JAZF1: variants seen among roughly 807,000 people sequenced by gnomAD.
JAZF1 encodes the protein juxtaposed with another zinc finger protein 1.
In JAZF1, 8 loss-of-function variants were observed where a neutral mutation model predicts 26.4. The ratio of observed to expected loss-of-function variants is 0.30; its 90% CI spans 0.18 to 0.55. The LOEUF is 0.55. Among genes scored for constraint, JAZF1 ranks in the 20% least tolerant of loss-of-function variants. JAZF1 has a pLI of 0.94. For synonymous variants in JAZF1, 126 were observed against 122.3 expected (o/e 1.03, Z -0.20); for missense variants, 199 against 322.0 (o/e 0.62, Z 2.92).
intron 1 of JAZF1, among the ~76,000 whole-genome samples, chr7:28,120,456 G>C (rs1178054353): frequency 6.7e-6 from 1 of 148,960 alleles, no homozygotes; most frequent in African/African-American, 2.5e-5. Context: ...TTTGTCCCTA[G>C]GGGTAGAGGA....
chr7:27,835,844 C>G (rs762176963), intron 4 of JAZF1, among the ~76,000 whole-genome samples: 2 of 151,998 alleles, frequency 1.3e-5, no homozygotes, highest in Non-Finnish European at 2.9e-5. Context: ...AAATAATGGC[C>G]GGAAACCTGA....
Position 28,180,600 on chromosome 7 carries a change from T to C in JAZF1, c.-23A>G, listed in dbSNP as rs1386391849. The stretch of plus-strand genomic sequence containing the variant: ...CATGGTGCTACATCGAGAGCCCCCC[T>C]GGTGTCGGCTCTGCGAGCGCCGGGC... On this transcript the variant is annotated 5_prime_UTR_variant, in exon 1 of 5. Coordinates refer to ENST00000283928, the MANE Select transcript of JAZF1 (RefSeq NM_175061.4). The C allele has an allele frequency of 3.5e-6, 5 of 1,411,406 alleles. No individual in the cohort carries two copies. The highest frequency in any genetic ancestry group is 4.7e-6 in the Non-Finnish European group (5 of 1,053,014). 87.4% of individuals were successfully genotyped at this position (1,411,406 alleles called of 1,614,324 possible).
chr7:28,080,760 G>A (rs1208298644), intron 1 of JAZF1, among the ~76,000 whole-genome samples: 3 of 152,124 alleles, frequency 2.0e-5, no homozygotes, highest in Non-Finnish European at 4.4e-5. Context: ...TATGGGTGCA[G>A]TTCATGGCAC....
rs995422695 is a variant in JAZF1 at position 28,154,742 on chromosome 7, G to T, written c.115+25721C>A. ...CTATTCCTACCTTTTATTAATTATG[G>T]TACTTAATTTCTCAGTTTCAAAATT... On this transcript the variant is annotated intron_variant, in intron 1 of 4. Coordinates refer to ENST00000283928, the MANE Select transcript of JAZF1 (RefSeq NM_175061.4). Among the ~76,000 whole-genome samples the T allele has an allele frequency of 8.6e-5, 13 of 151,364 alleles. 1 individual carries two copies. The South Asian group carries it at 2.7e-3, about 32-fold the overall frequency.
At chr7:27,849,311 G>C (rs532555721) in intron 3 of JAZF1, among the ~76,000 whole-genome samples, 1 of 152,338 alleles carries the variant, frequency 6.6e-6, no homozygotes, top group South Asian at 2.1e-4. Context: ...CTGCCACCCA[G>C]GTGGCTGTGG....
At chr7:27,854,238 T>C (rs921996339) in intron 3 of JAZF1, among the ~76,000 whole-genome samples, 1 of 152,198 alleles carries the variant, frequency 6.6e-6, no homozygotes, top group African/African-American at 2.4e-5. Flanking sequence ...TATTCTTCCA[T>C]CCCTTTATTT....
At chr7:28,155,645 G>A (rs976313197) in intron 1 of JAZF1, among the ~76,000 whole-genome samples, 7 of 152,150 alleles carry the variant, frequency 4.6e-5, no homozygotes, top group Non-Finnish European at 2.9e-5. Flanking sequence ...TGGAGGGCCT[G>A]GCCACCCATG....
chr7:27,854,314 CTT>C (rs1240325915), intron 3 of JAZF1, among the ~76,000 whole-genome samples: 1 of 152,184 alleles, frequency 6.6e-6, no homozygotes, highest in Non-Finnish European at 1.5e-5. Flanking sequence ...AGTCTTGACT[CTT>C]TATCCAATTT....
chr7:28,094,829 G>A (rs576159736), intron 1 of JAZF1, among the ~76,000 whole-genome samples: 6 of 152,062 alleles, frequency 3.9e-5, no homozygotes, highest in South Asian at 4.1e-4. Context: ...GCCGAGCTGC[G>A]CCTGCTCATG....
At chr7:27,911,361 AT>A (rs1784357069) in intron 2 of JAZF1, among the ~76,000 whole-genome samples, 3 of 152,220 alleles carry the variant, frequency 2.0e-5, no homozygotes, top group African/African-American at 7.2e-5. Flanking sequence ...GCAAGGGGTT[AT>A]CAGTCCTATT....
chr7:27,849,758 C>CAG (rs1783106144), intron 3 of JAZF1, among the ~76,000 whole-genome samples: 2 of 80,726 alleles, frequency 2.5e-5, no homozygotes, highest in African/African-American at 1.3e-4. Context: ...CACAGACACA[C>CAG]ACACACACAC....
At chr7:28,110,976 G>T (rs930171445) in intron 1 of JAZF1, among the ~76,000 whole-genome samples, 4 of 152,164 alleles carry the variant, frequency 2.6e-5, no homozygotes, top group Admixed American at 2.6e-4. Context: ...AAACTAGGGT[G>T]GGGGAAAATG....
At chr7:27,945,125 G>A (rs1784906817) in intron 2 of JAZF1, among the ~76,000 whole-genome samples, 1 of 152,038 alleles carries the variant, frequency 6.6e-6, no homozygotes, top group African/African-American at 2.4e-5. Context: ...GGATACTGAA[G>A]TAAAAAAATT....
In JAZF1 at chr7:28,006,426, A is replaced by T. The variant is rs549753115; in HGVS notation, c.116-14445T>A. Among the ~76,000 whole-genome samples, 2 of 152,278 alleles carry T rather than the reference A, an allele frequency of 1.3e-5. 1 individual carries two copies. Among genetic ancestry groups the T allele is most frequent in the South Asian group, 4.1e-4 (2 of 4,822 alleles). On this transcript the variant is annotated intron_variant, in intron 1 of 4. Transcript: ENST00000283928. ...AAAAACTTACCCACTAGGTACCATT[A>T]TTATTTTAGGTAGTAAGGTCTGAAA...
intron 1 of JAZF1, among the ~76,000 whole-genome samples, chr7:28,125,187 T>C (rs1402039480): frequency 6.7e-6 from 1 of 148,916 alleles, no homozygotes; most frequent in East Asian, 1.9e-4. Flanking sequence ...TTGGAAGGCC[T>C]TCACAAAAAT....
chr7:28,151,163 G>C (rs1783107321), intron 1 of JAZF1, among the ~76,000 whole-genome samples: 1 of 151,408 alleles, frequency 6.6e-6, no homozygotes, highest in African/African-American at 2.4e-5. Flanking sequence ...GAGTGCAGTG[G>C]TGCGATCTCA....
intron 1 of JAZF1, among the ~76,000 whole-genome samples, chr7:28,087,051 T>G (rs1006363447): frequency 6.6e-6 from 1 of 152,236 alleles, no homozygotes; most frequent in Non-Finnish European, 1.5e-5. Flanking sequence ...TTAAAACATT[T>G]TTAACGTTAT....
At chr7:27,905,257 G>A (rs1032972372) in intron 2 of JAZF1, among the ~76,000 whole-genome samples, 5 of 152,050 alleles carry the variant, frequency 3.3e-5, no homozygotes, top group Admixed American at 6.5e-5. Flanking sequence ...AGCTACCCAC[G>A]CCTGGCCTGT....
At chr7:27,916,618 T>C (rs930142505) in intron 2 of JAZF1, among the ~76,000 whole-genome samples, 1 of 152,242 alleles carries the variant, frequency 6.6e-6, no homozygotes, top group Non-Finnish European at 1.5e-5. Context: ...ACAGCCTTCT[T>C]GTGCTTAGGG....
Sources: gnomAD v4.1 joint callset for allele counts (sites outside exome capture counted in the v4.1 genomes callset) on GRCh38, gnomAD v4.1.1 for gene constraint, MANE v1.5 for transcripts, NCBI Gene and HGNC (gene_info 2026-07-23, HGNC 2026-07-21) for gene names.